MAGI2: variants seen among roughly 807,000 people sequenced by gnomAD.
MAGI2 encodes the protein membrane-associated guanylate kinase, WW and PDZ domain-containing protein 2.
Under a neutral mutation model 133.3 loss-of-function variants are expected in MAGI2, and 35 were observed. The ratio of observed to expected loss-of-function variants is 0.26; its 90% CI spans 0.20 to 0.35. The LOEUF (loss-of-function observed/expected upper bound fraction) is 0.35. Among genes scored for constraint, MAGI2 ranks in the 10% least tolerant of loss-of-function variants. MAGI2 has a pLI of 1.00. For synonymous variants in MAGI2, 729 were observed against 710.6 expected (o/e 1.03, Z -0.41); for missense variants, 1,636 against 1,863.4 (o/e 0.88, Z 2.25).
intron 18 of MAGI2, among the ~76,000 whole-genome samples, chr7:78,127,653 T>C (rs1385403699): frequency 6.6e-6 from 1 of 152,188 alleles, no homozygotes. Context: ...AAAATGATGG[T>C]TCAACCAGAA....
chr7:78,804,939 G>C (rs1788438736), intron 2 of MAGI2, among the ~76,000 whole-genome samples: 1 of 151,198 alleles, frequency 6.6e-6, no homozygotes, highest in Admixed American at 6.6e-5. Flanking sequence ...GCGGGTGTGG[G>C]CACCTATAAT....
intron 1 of MAGI2, among the ~76,000 whole-genome samples, chr7:79,246,047 G>A (rs1473967656): frequency 6.6e-6 from 1 of 152,170 alleles, no homozygotes; most frequent in African/African-American, 2.4e-5. Context: ...TATAGACCAA[G>A]GTGGTATGTA....
chr7:79,352,900 C>T (rs898443075), intron 1 of MAGI2, among the ~76,000 whole-genome samples: 6 of 151,834 alleles, frequency 4.0e-5, no homozygotes, highest in Admixed American at 3.9e-4. Flanking sequence ...ATAATGCCAA[C>T]TAAGTAATTT....
At chr7:79,035,181 C>CA (rs977594003) in intron 1 of MAGI2, among the ~76,000 whole-genome samples, 22 of 60,728 alleles carry the variant, frequency 3.6e-4, no homozygotes, top group African/African-American at 1.0e-3. Flanking sequence ...TGCATTCCCA[C>CA]AAAAAAAAGT....
rs1011532202 is a variant in MAGI2 at position 79,131,802 on chromosome 7, C to A, written c.302-124596G>T. On this transcript the variant is annotated intron_variant, in intron 1 of 21. Transcript: ENST00000354212. ...AATTGGATATGTAACTGATGAAAAT[C>A]TAGTTAAAATCATTTATTTCTATTA... is the stretch of plus-strand genomic sequence containing the variant. Among the ~76,000 whole-genome samples, 2 of 151,982 alleles carry A rather than the reference C, an allele frequency of 1.3e-5. 1 individual carries two copies. Among genetic ancestry groups the A allele is most frequent in the Admixed American group, 1.3e-4 (2 of 15,252 alleles).
At chr7:78,711,770 C>T (rs1038720464) in intron 2 of MAGI2, among the ~76,000 whole-genome samples, 5 of 152,048 alleles carry the variant, frequency 3.3e-5, no homozygotes, top group African/African-American at 4.8e-5. Flanking sequence ...TAGAAGAGAG[C>T]GTTGATGTTT....
At chr7:78,274,893 C>T (rs550725749) in intron 9 of MAGI2, among the ~76,000 whole-genome samples, 12 of 152,256 alleles carry the variant, frequency 7.9e-5, no homozygotes, top group South Asian at 4.1e-4. Flanking sequence ...GGGTGGGACC[C>T]GCTGAGCCAG....
At chr7:79,082,351 G>A (rs1816117190) in intron 1 of MAGI2, among the ~76,000 whole-genome samples, 2 of 151,944 alleles carry the variant, frequency 1.3e-5, no homozygotes, top group Admixed American at 1.3e-4. Context: ...TAGAGTTTTA[G>A]CTCTTCCATT....
chr7:79,083,299 T>C (rs997426092), intron 1 of MAGI2, among the ~76,000 whole-genome samples: 1 of 41,934 alleles, frequency 2.4e-5, no homozygotes, highest in Admixed American at 4.5e-4. Flanking sequence ...ATAAGTATGA[T>C]GTTATTTTTT....
chr7:78,323,111 G>T (rs1437763059), intron 9 of MAGI2, among the ~76,000 whole-genome samples: 1 of 150,924 alleles, frequency 6.6e-6, no homozygotes, highest in African/African-American at 2.4e-5. Context: ...TTTGAAGAAG[G>T]TTTTGCAGTT....
chr7:78,770,718 C>T (rs978718184), intron 2 of MAGI2: 1 of 152,256 alleles, frequency 6.6e-6, no homozygotes, highest in Non-Finnish European at 1.5e-5. Flanking sequence ...TTTAGGTTCA[C>T]ATCTGGTGGA....
chr7:78,217,284 A>T (rs925480816), intron 10 of MAGI2, among the ~76,000 whole-genome samples: 2 of 152,188 alleles, frequency 1.3e-5, no homozygotes, highest in Non-Finnish European at 2.9e-5. Flanking sequence ...ATTCAGGTGC[A>T]TGTTTCTGGG....
intron 16 of MAGI2, among the ~76,000 whole-genome samples, chr7:78,141,709 C>G (rs967997876): frequency 6.6e-6 from 1 of 152,084 alleles, no homozygotes; most frequent in Non-Finnish European, 1.5e-5. Context: ...CGTTTTCCCC[C>G]CTCCCAGCAC....
intron 2 of MAGI2, among the ~76,000 whole-genome samples, chr7:78,801,792 G>C (rs558255337): frequency 5.3e-5 from 8 of 152,178 alleles, no homozygotes; most frequent in Admixed American, 2.6e-4. Context: ...CAGCTATTAT[G>C]AGTGATCTCA....
Position 78,444,204 on chromosome 7 carries a change from T to C in MAGI2, c.1045+45557A>G, listed in dbSNP as rs564752399. 1.1e-4 allele frequency among the ~76,000 whole-genome samples: 17 copies of C among 152,212 alleles called. 1 individual carries two copies. In the South Asian group the frequency reaches 3.3e-3, roughly 30 times the overall value. On this transcript the variant is annotated intron_variant, in intron 6 of 21. Coordinates refer to ENST00000354212, the MANE Select transcript of MAGI2 (RefSeq NM_012301.4). ...GGTCAGTTTACAAATTTAGTAATCA[T>C]AAACAACTCAGTTAGTTGGCTATAT...
chr7:78,592,340 A>ATTTTTT (rs200747288), intron 3 of MAGI2, among the ~76,000 whole-genome samples: 4,025 of 147,332 alleles, frequency 0.027, 89 homozygotes, highest in Non-Finnish European at 0.045. Context: ...ATAGTAGACT[A>ATTTTTT]TTTTTTTTTT....
chr7:78,750,612 CATAACAA>C (rs1227301819), intron 2 of MAGI2, among the ~76,000 whole-genome samples: 1 of 152,076 alleles, frequency 6.6e-6, no homozygotes, highest in Admixed American at 6.5e-5. Context: ...AGACAATACA[CATAACAA>C]AAAACACAAG....
chr7:78,969,191 T>A (rs1803576158), intron 2 of MAGI2, among the ~76,000 whole-genome samples: 1 of 151,924 alleles, frequency 6.6e-6, no homozygotes, highest in Non-Finnish European at 1.5e-5. Context: ...AGTAGCTGTA[T>A]TTGCACAGTA....
chr7:79,193,677 T>C (rs1295033696), intron 1 of MAGI2, among the ~76,000 whole-genome samples: 1 of 151,892 alleles, frequency 6.6e-6, no homozygotes, highest in Non-Finnish European at 1.5e-5. Flanking sequence ...AGAGGGACTG[T>C]GGAAGAAAGC....
Sources: allele counts gnomAD v4.1 joint callset (sites outside exome capture counted in the v4.1 genomes callset), GRCh38; gene constraint gnomAD v4.1.1; transcripts MANE v1.5; gene names NCBI Gene and HGNC (gene_info 2026-07-23, HGNC 2026-07-21).